The following PRIM2 variants were observed in gnomAD, a reference collection of about 807,000 sequenced individuals.
PRIM2 encodes DNA primase subunit 2.
PRIM2 carries 39 observed loss-of-function variants against 67.3 expected under a neutral mutation model. The observed-to-expected ratio is 0.58, with a 90% CI of 0.45 to 0.76. The LOEUF is 0.76. Among genes scored for constraint, PRIM2 ranks in the 30% least tolerant of loss-of-function variants. The pLI is 0.00. For synonymous variants in PRIM2, 143 were observed against 198.7 expected (o/e 0.72, Z 2.36); for missense variants, 398 against 598.7 (o/e 0.66, Z 3.50).
intron 7 of PRIM2, among the ~76,000 whole-genome samples, chr6:57,391,596 C>A (rs554445841): frequency 1.3e-5 from 2 of 151,994 alleles, no homozygotes; most frequent in African/African-American, 4.8e-5. Context: ...AGCCAGTTAT[C>A]CAGCACCATT....
intron 5 of PRIM2, among the ~76,000 whole-genome samples, chr6:57,374,075 A>G (rs1039400199): frequency 7.9e-5 from 12 of 151,930 alleles, no homozygotes; most frequent in Non-Finnish European, 1.8e-4. Context: ...CTTTCTATCC[A>G]TGAGCATGGA....
intron 12 of PRIM2, among the ~76,000 whole-genome samples, chr6:57,623,753 T>G (rs1355049894): frequency 5.3e-5 from 8 of 152,120 alleles, no homozygotes; most frequent in African/African-American, 1.7e-4. Context: ...ATAAAGCAAG[T>G]AGTTTAGATT....
chr6:57,535,681 A>G (rs1350341885), intron 9 of PRIM2, among the ~76,000 whole-genome samples: 3 of 152,160 alleles, frequency 2.0e-5, no homozygotes, highest in African/African-American at 4.8e-5. Flanking sequence ...CGTGGCCAAC[A>G]TGGTGAAACT....
chr6:57,266,508 G>A, the PRIM2 span, among the ~76,000 whole-genome samples: 7 of 152,158 alleles, frequency 4.6e-5, no homozygotes, highest in African/African-American at 1.7e-4. Flanking sequence ...CCAAAGTGAC[G>A]ATTTGTTTAA....
chr6:57,618,424 C>T lies in PRIM2; in HGVS notation c.1230+11967C>T, dbSNP rs1776790740. Among the ~76,000 whole-genome samples, 3 of 152,174 alleles carry T rather than the reference C, an allele frequency of 2.0e-5. No individual in the cohort carries two copies. The South Asian group carries it at 6.2e-4, about 31-fold the overall frequency. On this transcript the variant is annotated intron_variant, in intron 12 of 13. Transcript: ENST00000615550. ...GTGAATTTTAGCTCCAGATTGACTG[C>T]AAGAACAAACCAGCAATCCTGAGAG...
chr6:57,487,925 G>A (rs1322210943), intron 7 of PRIM2, among the ~76,000 whole-genome samples: 1 of 152,100 alleles, frequency 6.6e-6, no homozygotes, highest in Non-Finnish European at 1.5e-5. Context: ...ATAGTTGAAG[G>A]CCTGTTTATA....
intron 7 of PRIM2, among the ~76,000 whole-genome samples, chr6:57,503,522 G>C (rs1287101154): frequency 6.6e-6 from 1 of 152,204 alleles, no homozygotes. Flanking sequence ...GCCAAGGCGG[G>C]TGGATCACTT....
chr6:57,554,886 A>G (rs1429610840), intron 10 of PRIM2, among the ~76,000 whole-genome samples: 11 of 152,228 alleles, frequency 7.2e-5, no homozygotes, highest in Non-Finnish European at 1.5e-4. Context: ...GAACCCTTCC[A>G]GCCAGATCAT....
At chr6:57,329,658 G>A (rs984141025) in intron 5 of PRIM2, among the ~76,000 whole-genome samples, 1 of 151,906 alleles carries the variant, frequency 6.6e-6, no homozygotes, top group Non-Finnish European at 1.5e-5. Flanking sequence ...CTCCCCTGCC[G>A]CCCTGTGAAG....
At chr6:57,279,490 C>G in the PRIM2 span, among the ~76,000 whole-genome samples, 1 of 152,204 alleles carries the variant, frequency 6.6e-6, no homozygotes, top group Admixed American at 6.5e-5. Flanking sequence ...TTTCCAGGAA[C>G]TCATGACTGC....
At chr6:57,365,623 T>G (rs1416203368) in intron 5 of PRIM2, among the ~76,000 whole-genome samples, 1 of 152,196 alleles carries the variant, frequency 6.6e-6, no homozygotes, top group Non-Finnish European at 1.5e-5. Context: ...CCATAGTTTG[T>G]GTATTTCAGT....
intron 7 of PRIM2, among the ~76,000 whole-genome samples, chr6:57,496,428 T>TA (rs1392950137): frequency 6.6e-6 from 1 of 152,286 alleles, no homozygotes; most frequent in East Asian, 1.9e-4. Context: ...TGAAACCCAC[T>TA]ATTCAGTCTG....
At chr6:57,466,749 TTC>T (rs1398182276) in intron 7 of PRIM2, among the ~76,000 whole-genome samples, 7 of 152,248 alleles carry the variant, frequency 4.6e-5, no homozygotes, top group African/African-American at 1.7e-4. Context: ...TGCAAACATT[TTC>T]TGTCATTCTG....
chr6:57,588,204 A>C (rs1401169696), intron 10 of PRIM2, among the ~76,000 whole-genome samples: 2 of 152,050 alleles, frequency 1.3e-5, no homozygotes, highest in East Asian at 3.9e-4. Context: ...ATTCATGGGA[A>C]GATACTTTCC....
intron 13 of PRIM2, among the ~76,000 whole-genome samples, chr6:57,640,135 C>T (rs1777204023): frequency 6.6e-6 from 1 of 152,086 alleles, no homozygotes; most frequent in Admixed American, 6.5e-5. Context: ...TGACAAAAAC[C>T]ACATGATTAT....
chr6:57,629,637 G>A (rs1777009932), intron 12 of PRIM2, among the ~76,000 whole-genome samples: 1 of 151,816 alleles, frequency 6.6e-6, no homozygotes, highest in Non-Finnish European at 1.5e-5. Context: ...CCTGGTCCAT[G>A]GATCTACCAT....
At chr6:57,351,340 T>TG (rs11382476) in intron 5 of PRIM2, among the ~76,000 whole-genome samples, 19,173 of 151,514 alleles carry the variant, frequency 0.13, 1,359 homozygotes, top group African/African-American at 0.18. Flanking sequence ...TTTTCAGGTT[T>TG]GGATGTTCAA....
chr6:57,282,772 C>G, the PRIM2 span, among the ~76,000 whole-genome samples: 1 of 152,194 alleles, frequency 6.6e-6, no homozygotes, highest in Non-Finnish European at 1.5e-5. Flanking sequence ...ACCAAACCTA[C>G]AAACACTTTG....
At chr6:57,638,868 G>C (rs1486531028) in intron 13 of PRIM2, among the ~76,000 whole-genome samples, 1 of 152,082 alleles carries the variant, frequency 6.6e-6, no homozygotes, top group Non-Finnish European at 1.5e-5. Flanking sequence ...AATTAACAAG[G>C]ATATTCTGGA....
Sources: allele counts gnomAD v4.1 joint callset (sites outside exome capture counted in the v4.1 genomes callset), GRCh38; gene constraint gnomAD v4.1.1; transcripts MANE v1.5; gene names NCBI Gene and HGNC (gene_info 2026-07-23, HGNC 2026-07-21).